Variants in USP32 observed in about 807,000 individuals in gnomAD.
USP32 encodes the protein ubiquitin carboxyl-terminal hydrolase 32.
In USP32, 59 loss-of-function variants were observed where a neutral mutation model predicts 204.8. The observed-to-expected ratio is 0.29, with a 90% CI of 0.23 to 0.36. The LOEUF (loss-of-function observed/expected upper bound fraction) is 0.36. Among genes scored for constraint, USP32 ranks in the 10% least tolerant of loss-of-function variants. USP32 has a pLI of 1.00. For missense variants in USP32, 1,160 were observed against 1,946.4 expected, an observed-to-expected ratio of 0.60 and a Z score of 7.60; for synonymous variants, 517 against 678.4, an observed-to-expected ratio of 0.76 and a Z score of 3.70.
chr17:60,294,383 A>AGTGTGTGTGTGTGTGTGTGTGTGT (rs60195146), intron 4 of USP32, among the ~76,000 whole-genome samples: 7 of 146,484 alleles, frequency 4.8e-5, no homozygotes, highest in African/African-American at 1.0e-4. Context: ...TTCCTGCAGG[A>AGTGTGTGTGTGTGTGTGTGTGTGT]GTGTGTGTGT....
Position 60,391,778 on chromosome 17 carries a change from G to A in USP32, c.58+104C>T, listed in dbSNP as rs541488300. ...CCGGCCGCCTTTCCCTTCCGCCTCA[G>A]GCGCCCCACGCCCTCAATCTCCCCT... On this transcript the variant is annotated intron_variant, in intron 1 of 33. Transcript: ENST00000300896. 17 of 1,311,218 alleles carry A rather than the reference G, an allele frequency of 1.3e-5. No individual in the cohort carries two copies. The East Asian group carries it at 3.4e-4, about 27-fold the overall frequency. 81.2% of individuals were successfully genotyped at this position (1,311,218 alleles called of 1,614,324 possible). A position where few individuals can be genotyped will look rare whatever the true frequency, so the allele number is the denominator to read the frequency against.
chr17:60,406,061 T>C, intron 1 of USP32, among the ~76,000 whole-genome samples: 1 of 149,822 alleles, frequency 6.7e-6, no homozygotes, highest in East Asian at 2.0e-4. Flanking sequence ...GGAGGCTGAG[T>C]TGGGAGGATC....
At chr17:60,416,707 T>C (rs1173178499) in intron 1 of USP32, among the ~76,000 whole-genome samples, 1 of 152,146 alleles carries the variant, frequency 6.6e-6, no homozygotes, top group Non-Finnish European at 1.5e-5. Context: ...AAAACCATTA[T>C]GAGAATAGGG....
At chr17:60,194,240 C>T (rs1269402069) in intron 27 of USP32, among the ~76,000 whole-genome samples, 1 of 152,096 alleles carries the variant, frequency 6.6e-6, no homozygotes, top group Non-Finnish European at 1.5e-5. Context: ...GACAGTATTT[C>T]ACCATGTTGT....
At chr17:60,416,993 CTGCAACCTCCCCCTCTTGGGT>C (rs1057335685) in intron 1 of USP32, among the ~76,000 whole-genome samples, 1 of 150,308 alleles carries the variant, frequency 6.7e-6, no homozygotes, top group Non-Finnish European at 1.5e-5. Context: ...TCTCGGCTCA[CTGCAACCTCCCCCTCTTGGGT>C]TCAAGCCATT....
chr17:60,180,759 T>G, intron 32 of USP32, 122 bp from the exon 33 acceptor site: 1 of 1,024,020 alleles, frequency 9.8e-7, no homozygotes, highest in Non-Finnish European at 1.4e-6. Flanking sequence ...AAAAAATATT[T>G]TAGAACCCTC....
upstream of USP32, among the ~76,000 whole-genome samples, chr17:60,393,342 G>A (rs980740611): frequency 1.3e-5 from 2 of 152,168 alleles, no homozygotes; most frequent in African/African-American, 4.8e-5. Context: ...ATGTGAACAG[G>A]TATTTGTGCC....
intron 29 of USP32, among the ~76,000 whole-genome samples, chr17:60,188,018 T>C (rs1168130971): frequency 2.0e-5 from 3 of 152,292 alleles, no homozygotes; most frequent in Non-Finnish European, 4.4e-5. Flanking sequence ...TCTTGCTCTG[T>C]TACCCAGGCT....
At chr17:60,369,204 T>C (rs910060141) in intron 1 of USP32, among the ~76,000 whole-genome samples, 5 of 137,684 alleles carry the variant, frequency 3.6e-5, no homozygotes, top group African/African-American at 1.0e-4. Flanking sequence ...CCGTTTTAGC[T>C]GGGATGGTCT....
intron 12 of USP32, among the ~76,000 whole-genome samples, chr17:60,235,273 A>T (rs1215529195): frequency 6.6e-6 from 1 of 152,206 alleles, no homozygotes; most frequent in African/African-American, 2.4e-5. Context: ...GTACCCCAAT[A>T]TTCTCATTTT....
At chr17:60,382,499 C>T (rs1267233212) in intron 1 of USP32, among the ~76,000 whole-genome samples, 1 of 151,364 alleles carries the variant, frequency 6.6e-6, no homozygotes, top group Non-Finnish European at 1.5e-5. Context: ...AAAACAAAAA[C>T]AAAAGACTAA....
chr17:60,358,114 A>G (rs1443747378), intron 1 of USP32, among the ~76,000 whole-genome samples: 1 of 152,166 alleles, frequency 6.6e-6, no homozygotes, highest in East Asian at 1.9e-4. Context: ...TGTCTGCTTC[A>G]TCTAGCATTC....
At chr17:60,331,936 G>A (rs955562932) in intron 2 of USP32, among the ~76,000 whole-genome samples, 3 of 147,212 alleles carry the variant, frequency 2.0e-5, no homozygotes, top group Non-Finnish European at 4.5e-5. Flanking sequence ...TAAAAAATCT[G>A]CACACATTTA....
chr17:60,311,121 TAAC>T (rs1403008950), intron 2 of USP32, among the ~76,000 whole-genome samples: 2 of 152,116 alleles, frequency 1.3e-5, no homozygotes, highest in African/African-American at 4.8e-5. Flanking sequence ...CATTTCAAAA[TAAC>T]TAGAAAAAAT....
At position 60,180,867 on chromosome 17, in the gene USP32, CTATTATTAT is replaced by C. The variant is rs35652936; in HGVS notation, c.4549-239_4549-231del. ...AACAATCATTTTATAATTGTAATTA[CTATTATTAT>C]TATTATTATTATTATTATTATTTTG... On this transcript the variant is annotated intron_variant, in intron 32 of 33. Coordinates refer to ENST00000300896, the MANE Select transcript of USP32 (RefSeq NM_032582.4). Among the ~76,000 whole-genome samples the C allele has an allele frequency of 5.7e-3, 846 of 147,502 alleles. 3 individuals carry two copies. Among genetic ancestry groups the C allele is most frequent in the Non-Finnish European group, 8.4e-3 (564 of 67,066 alleles).
chr17:60,297,781 T>C (rs1383353643), intron 3 of USP32, among the ~76,000 whole-genome samples: 1 of 152,178 alleles, frequency 6.6e-6, no homozygotes, highest in Admixed American at 6.5e-5. Context: ...TGGCCATTTT[T>C]CTTTTTCTCT....
intron 7 of USP32, 29 bp from the exon 8 acceptor site, chr17:60,266,120 A>G (rs773130989): frequency 6.4e-7 from 1 of 1,560,854 alleles, no homozygotes; most frequent in Non-Finnish European, 8.8e-7. Context: ...TATGGAGGAA[A>G]ATCATTTTTG....
chr17:60,272,036 A>G (rs2086735907), intron 5 of USP32, among the ~76,000 whole-genome samples: 1 of 152,048 alleles, frequency 6.6e-6, no homozygotes, highest in Non-Finnish European at 1.5e-5. Flanking sequence ...GCTGGTCCCA[A>G]ACTCCTGGTC....
chr17:60,421,333 G>T, intron 1 of USP32: 1 of 978,376 alleles, frequency 1.0e-6, no homozygotes, highest in Non-Finnish European at 1.2e-6. Context: ...GGACTCAAAG[G>T]GTGCTCCTCC....
Sources: allele counts gnomAD v4.1 joint callset (sites outside exome capture counted in the v4.1 genomes callset), GRCh38; gene constraint gnomAD v4.1.1; transcripts MANE v1.5; gene names NCBI Gene and HGNC (gene_info 2026-07-23, HGNC 2026-07-21).